Variants in RAD51B observed in about 807,000 individuals in gnomAD.
RAD51B encodes RAD51 paralog B.
In RAD51B, 38 loss-of-function variants were observed where a neutral mutation model predicts 42.2. The ratio of observed to expected loss-of-function variants is 0.90; its 90% CI spans 0.70 to 1.18. The LOEUF is 1.18. RAD51B is among the 50% of genes most tolerant of loss of function. The pLI is 0.00. For missense variants in RAD51B, 373 were observed against 400.7 expected (o/e 0.93, Z 0.59); for synonymous variants, 154 against 145.2 (o/e 1.06, Z -0.43).
chr14:68,239,540 A>G (rs886816554), intron 7 of RAD51B, among the ~76,000 whole-genome samples: 17 of 151,436 alleles, frequency 1.1e-4, no homozygotes, highest in Non-Finnish European at 1.2e-4. Flanking sequence ...ACTGGGCACC[A>G]GGACTCCATT....
chr14:68,254,417 C>T (rs1183610270), intron 7 of RAD51B, among the ~76,000 whole-genome samples: 1 of 152,172 alleles, frequency 6.6e-6, no homozygotes, highest in African/African-American at 2.4e-5. Flanking sequence ...TAACCTTTAA[C>T]TGAAATTGAT....
intron 8 of RAD51B, among the ~76,000 whole-genome samples, chr14:68,296,661 C>A (rs1187807730): frequency 2.0e-5 from 3 of 152,172 alleles, no homozygotes; most frequent in African/African-American, 7.2e-5. Context: ...ACAGTGAGCC[C>A]TGTGCAAGAT....
In RAD51B at chr14:68,146,730, G is replaced by C. The variant is rs145763730; in HGVS notation, c.757-145154G>C. Among the ~76,000 whole-genome samples the C allele has an allele frequency of 2.6e-5, 4 of 152,152 alleles. No individual in the cohort carries two copies. In the East Asian group the frequency reaches 7.7e-4, roughly 29 times the overall value. ...GGGGACTTTGAGGCTCATATAATTTGGCCCATAATTATGGCTACATAAGTA... is the reference window on the plus strand; with the variant it reads ...GGGGACTTTGAGGCTCATATAATTTCGCCCATAATTATGGCTACATAAGTA... On this transcript the variant is annotated intron_variant, in intron 7 of 10. Transcript: ENST00000471583.
intron 4 of RAD51B, among the ~76,000 whole-genome samples, chr14:67,862,718 A>C (rs920837304): frequency 1.3e-5 from 2 of 152,194 alleles, no homozygotes; most frequent in Admixed American, 6.5e-5. Context: ...GAATCACAAA[A>C]TATTTACATT....
chr14:68,230,749 A>G (rs1349203906), intron 7 of RAD51B, among the ~76,000 whole-genome samples: 1 of 152,190 alleles, frequency 6.6e-6, no homozygotes, highest in East Asian at 1.9e-4. Flanking sequence ...CCGGCTTAGG[A>G]GTTCTTGGCT....
chr14:68,438,641 A>G (rs1171404070), intron 9 of RAD51B, among the ~76,000 whole-genome samples: 1 of 152,144 alleles, frequency 6.6e-6, no homozygotes, highest in African/African-American at 2.4e-5. Context: ...ATAGCACATC[A>G]TGTCATCTCC....
chr14:68,075,346 G>T (rs1203733823), intron 7 of RAD51B, among the ~76,000 whole-genome samples: 1 of 152,148 alleles, frequency 6.6e-6, no homozygotes, highest in Non-Finnish European at 1.5e-5. Flanking sequence ...TAGTACCACT[G>T]CAGTGGTACT....
chr14:68,572,831 T>A (rs1039005417), intron 10 of RAD51B, among the ~76,000 whole-genome samples: 6 of 152,220 alleles, frequency 3.9e-5, no homozygotes, highest in African/African-American at 1.4e-4. Flanking sequence ...TGGCTAATGC[T>A]TCTGAGCTCT....
intron 10 of RAD51B, among the ~76,000 whole-genome samples, chr14:68,532,939 G>C (rs187452700): frequency 6.6e-6 from 1 of 152,054 alleles, no homozygotes; most frequent in Non-Finnish European, 1.5e-5. Flanking sequence ...TCCTTAACTT[G>C]ATAAAGAACA....
intron 8 of RAD51B, among the ~76,000 whole-genome samples, chr14:68,393,424 G>A (rs2083818299): frequency 6.6e-6 from 1 of 152,222 alleles, no homozygotes; most frequent in South Asian, 2.1e-4. Flanking sequence ...TACTGAGGCT[G>A]TGTTATGGTG....
At chr14:68,099,791 T>G (rs927660888) in intron 7 of RAD51B, among the ~76,000 whole-genome samples, 1 of 152,166 alleles carries the variant, frequency 6.6e-6, no homozygotes, top group African/African-American at 2.4e-5. Context: ...GTTGTTCTGC[T>G]TAGATGGAAT....
At chr14:67,951,437 A>G (rs997043622) in intron 7 of RAD51B, among the ~76,000 whole-genome samples, 2 of 152,220 alleles carry the variant, frequency 1.3e-5, no homozygotes. Flanking sequence ...ATTAACCAAA[A>G]TAAGGCAACT....
chr14:67,965,396 T>TA (rs200162341), intron 7 of RAD51B, among the ~76,000 whole-genome samples: 1 of 127,496 alleles, frequency 7.8e-6, no homozygotes, highest in Non-Finnish European at 1.5e-5. Context: ...CCATTTCAGT[T>TA]CTTGGAGAGC....
At chr14:68,648,716 G>C (rs966786628) in intron 10 of RAD51B, among the ~76,000 whole-genome samples, 60 of 105,534 alleles carry the variant, frequency 5.7e-4, no homozygotes, top group South Asian at 1.7e-3. Context: ...CACACACACA[G>C]GGAAAAACAA....
intron 7 of RAD51B, among the ~76,000 whole-genome samples, chr14:68,055,075 A>G (rs1248427082): frequency 6.6e-6 from 1 of 152,194 alleles, no homozygotes; most frequent in East Asian, 1.9e-4. Flanking sequence ...TCAGTGTATT[A>G]TAATAATCCC....
intron 7 of RAD51B, among the ~76,000 whole-genome samples, chr14:67,892,567 G>A (rs73280481): frequency 0.017 from 2,539 of 152,290 alleles, 77 homozygotes; most frequent in African/African-American, 0.057. Context: ...CCCTTGCCTG[G>A]CTCCTGGGAG....
At chr14:68,450,336 A>G (rs1211292303) in intron 9 of RAD51B, among the ~76,000 whole-genome samples, 1 of 148,878 alleles carries the variant, frequency 6.7e-6, no homozygotes, top group Admixed American at 6.8e-5. Context: ...CTTCTGCCTC[A>G]GCGTCTCGAG....
At chr14:67,895,527 C>G (rs1192549337) in intron 7 of RAD51B, among the ~76,000 whole-genome samples, 1 of 152,108 alleles carries the variant, frequency 6.6e-6, no homozygotes, top group South Asian at 2.1e-4. Context: ...TGATCACATC[C>G]CTCCTATGCT....
chr14:68,511,128 T>C (rs1003279109), intron 10 of RAD51B, among the ~76,000 whole-genome samples: 1 of 152,180 alleles, frequency 6.6e-6, no homozygotes, highest in African/African-American at 2.4e-5. Context: ...TAAAGGAGTC[T>C]GAATTCTGCT....
Sources: gnomAD v4.1 joint callset for allele counts (sites outside exome capture counted in the v4.1 genomes callset) on GRCh38, gnomAD v4.1.1 for gene constraint, MANE v1.5 for transcripts, NCBI Gene and HGNC (gene_info 2026-07-23, HGNC 2026-07-21) for gene names.